Variants in CNDP1 observed in about 807,000 individuals in gnomAD.
CNDP1 encodes beta-Ala-His dipeptidase.
CNDP1 carries 44 observed loss-of-function variants against 58.1 expected under a neutral mutation model. The observed-to-expected ratio is 0.76, with a 90% CI of 0.60 to 0.97. CNDP1 has a LOEUF of 0.97. Among genes scored for constraint, CNDP1 ranks in the 50% least tolerant of loss-of-function variants. CNDP1 has a pLI of 0.00. For synonymous variants in CNDP1, 254 were observed against 252.6 expected, an observed-to-expected ratio of 1.01 and a Z score of -0.05; for missense variants, 616 against 655.1, an observed-to-expected ratio of 0.94 and a Z score of 0.65.
At chr18:74,575,177 A>T (rs1445884801) in intron 7 of CNDP1, among the ~76,000 whole-genome samples, 1 of 152,162 alleles carries the variant, frequency 6.6e-6, no homozygotes, top group African/African-American at 2.4e-5. Flanking sequence ...AGGAAAAGGT[A>T]AATGAGGAAA....
At chr18:74,564,306 GA>G (rs1981274103) in intron 5 of CNDP1, among the ~76,000 whole-genome samples, 1 of 152,132 alleles carries the variant, frequency 6.6e-6, no homozygotes, top group African/African-American at 2.4e-5. Flanking sequence ...TCAAAGATAT[GA>G]AGTTATAAAT....
chr18:74,563,554 C>T (rs1981255152), intron 5 of CNDP1, among the ~76,000 whole-genome samples: 1 of 152,190 alleles, frequency 6.6e-6, no homozygotes, highest in South Asian at 2.1e-4. Flanking sequence ...CTGAGCCTGA[C>T]TTGCCTCATC....
At chr18:74,543,754 C>T (rs1277029743) in intron 1 of CNDP1, among the ~76,000 whole-genome samples, 2 of 151,930 alleles carry the variant, frequency 1.3e-5, no homozygotes, top group African/African-American at 2.4e-5. Context: ...TATGATAGAT[C>T]GAAAGACTCC....
chr18:74,552,042 C>T (rs1202876896), intron 1 of CNDP1, among the ~76,000 whole-genome samples: 1 of 152,192 alleles, frequency 6.6e-6, no homozygotes, highest in Non-Finnish European at 1.5e-5. Flanking sequence ...CTTCATCTGC[C>T]GCCCCTGGCT....
chr18:74,571,782 C>T (rs1050466302), intron 7 of CNDP1, among the ~76,000 whole-genome samples: 2 of 152,182 alleles, frequency 1.3e-5, no homozygotes, highest in African/African-American at 2.4e-5. Flanking sequence ...TTGTTTTTCA[C>T]GACAGACTGG....
intron 1 of CNDP1, among the ~76,000 whole-genome samples, chr18:74,555,883 C>T (rs1322537714): frequency 6.6e-6 from 1 of 152,160 alleles, no homozygotes; most frequent in Non-Finnish European, 1.5e-5. Context: ...GAAAGAAACC[C>T]CACAACACTG....
intron 2 of CNDP1, 46 bp from the exon 3 acceptor site, chr18:74,559,277 A>T: frequency 6.2e-7 from 1 of 1,607,750 alleles, no homozygotes; most frequent in Non-Finnish European, 8.5e-7. Context: ...CCCGCAGAGC[A>T]GATGTGGGAC....
Position 74,534,644 on chromosome 18 carries a change from T to G in CNDP1, c.-24T>G. On this transcript the variant is annotated 5_prime_UTR_variant, in exon 1 of 12. The change abolishes the stop of an existing upstream ORF in the 5' untranslated region. Transcript: ENST00000358821. The stretch of plus-strand genomic sequence containing the variant: ...ATTTTTTGGAGGTTGGGAAAGTTGC[T>G]AGAGGCTTCAGAACTCCAGCCTAAT... 2 of 1,614,002 alleles carry G rather than the reference T, an allele frequency of 1.2e-6. No homozygotes were observed. Among genetic ancestry groups the G allele is most frequent in the South Asian group, 1.1e-5 (1 of 91,070 alleles).
At chr18:74,575,524 GCGGTATTTACTAAAT>G (rs1325283201) in intron 7 of CNDP1, among the ~76,000 whole-genome samples, 1 of 152,118 alleles carries the variant, frequency 6.6e-6, no homozygotes, top group Non-Finnish European at 1.5e-5. Flanking sequence ...CAGAGAGTGG[GCGGTATTTACTAAAT>G]CTCAACATCT....
chr18:74,566,688 C>T (rs1414905774), intron 5 of CNDP1, among the ~76,000 whole-genome samples: 9 of 152,238 alleles, frequency 5.9e-5, no homozygotes, highest in Admixed American at 1.3e-4. Flanking sequence ...TTGGGCAAAG[C>T]CATTCAATAA....
At chr18:74,552,996 C>G (rs898186567) in intron 1 of CNDP1, among the ~76,000 whole-genome samples, 2 of 152,186 alleles carry the variant, frequency 1.3e-5, no homozygotes, top group African/African-American at 4.8e-5. Flanking sequence ...GAAGTTGTGT[C>G]TCATGTAGTT....
intron 11 of CNDP1, 154 bp from the exon 12 acceptor site, chr18:74,584,342 T>G: frequency 1.6e-6 from 1 of 609,042 alleles, no homozygotes; most frequent in Non-Finnish European, 2.9e-6. Flanking sequence ...TGGAACTTAC[T>G]AAGTGCTTTT....
intron 5 of CNDP1, among the ~76,000 whole-genome samples, chr18:74,564,994 G>A (rs1234460047): frequency 1.3e-5 from 2 of 152,154 alleles, no homozygotes; most frequent in African/African-American, 4.8e-5. Context: ...GGTTTAATTG[G>A]ACTTACAGTT....
At chr18:74,566,556 G>T (rs908528956) in intron 5 of CNDP1, among the ~76,000 whole-genome samples, 5 of 152,204 alleles carry the variant, frequency 3.3e-5, no homozygotes, top group Non-Finnish European at 7.3e-5. Context: ...GGGGCAAAAT[G>T]CCATGAGTCT....
rs147893072 is a variant in CNDP1 at position 74,548,081 on chromosome 18, C to T, written c.25-8257C>T. On this transcript the variant is annotated intron_variant, in intron 1 of 11. Coordinates refer to ENST00000358821, the MANE Select transcript of CNDP1 (RefSeq NM_032649.6). ...CCTGCGCATCCCTAACCCCAGCCCC[C>T]GCAAGCGCAACTTCCTGTTCTTCAG... Among the ~76,000 whole-genome samples, 300 of 152,316 alleles carry T rather than the reference C, an allele frequency of 2.0e-3. 1 individual carries two copies. The highest frequency in any genetic ancestry group is 6.4e-3 in the African/African-American group (268 of 41,566).
chr18:74,576,895 A>T lies in CNDP1; in HGVS notation c.868A>T (p.Ile290Phe). 2 of 1,613,214 alleles carry T rather than the reference A, an allele frequency of 1.2e-6. No homozygotes were observed. The highest frequency in any genetic ancestry group is 1.1e-5 in the South Asian group (1 of 90,726). ...TAGCCTGGTAGACTCGTCTGGTCATATCCTGGTCCCTGGAATCTATGATGA... is the reference window on the plus strand; with the variant it reads ...TAGCCTGGTAGACTCGTCTGGTCATTTCCTGGTCCCTGGAATCTATGATGA... The part of the protein sequence containing the change: ...LGSLVDSSGH[I>F]LVPGIYDEVV... The change falls in exon 8 of 12, where the codon ATC becomes TTC. Residue 290 changes from isoleucine to phenylalanine, a missense_variant. Physicochemically the swap from Ile to Phe is conservative, Grantham distance 21 (BLOSUM62 0). Transcript: ENST00000358821.
chr18:74,566,638 C>T (rs896684677), intron 5 of CNDP1, among the ~76,000 whole-genome samples: 2 of 152,350 alleles, frequency 1.3e-5, no homozygotes, highest in South Asian at 4.1e-4. Context: ...CCTGAGGCCA[C>T]CTCAGCCTGG....
chr18:74,544,425 G>T (rs932777121), intron 1 of CNDP1, among the ~76,000 whole-genome samples: 1 of 152,070 alleles, frequency 6.6e-6, no homozygotes, highest in African/African-American at 2.4e-5. Context: ...ATGTTATATA[G>T]TGATAAGAAG....
chr18:74,567,196 G>A (rs756840495), intron 5 of CNDP1, 37 bp from the exon 6 acceptor site: 3 of 1,550,114 alleles, frequency 1.9e-6, no homozygotes, highest in East Asian at 2.2e-5. Context: ...ACCACATCAG[G>A]CAACTTGTGC....
Sources: allele counts gnomAD v4.1 joint callset (sites outside exome capture counted in the v4.1 genomes callset), GRCh38; gene constraint gnomAD v4.1.1; transcripts MANE v1.5; gene names NCBI Gene and HGNC (gene_info 2026-07-23, HGNC 2026-07-21).